Variants in NSL1 observed in about 807,000 individuals in gnomAD.
NSL1 encodes NSL1 component of MIS12 kinetochore complex.
NSL1 carries 11 observed loss-of-function variants against 25.4 expected under a neutral mutation model. That is an observed-to-expected ratio of 0.43 (90% CI 0.27 to 0.72). The LOEUF is 0.72. Ranked by LOEUF, NSL1 falls within the 30% of genes least tolerant of loss-of-function variation. The pLI is 0.19. For synonymous variants in NSL1, 118 were observed against 120.6 expected, an observed-to-expected ratio of 0.98 and a Z score of 0.14; for missense variants, 330 against 342.7, an observed-to-expected ratio of 0.96 and a Z score of 0.29.
chr1:212,776,939 A>G (rs1229647441), intron 4 of NSL1, among the ~76,000 whole-genome samples: 2 of 152,012 alleles, frequency 1.3e-5, no homozygotes, highest in African/African-American at 2.4e-5. Context: ...AGCTAAAAAT[A>G]ACGGGAACCT....
chr1:212,766,238 T>C (rs765543196), intron 4 of NSL1: 1 of 656,226 alleles, frequency 1.5e-6, no homozygotes, highest in South Asian at 1.7e-5. Context: ...AACATCATGT[T>C]GAATGGGGAA....
chr1:212,749,720 A>C (rs1185333502), intron 4 of NSL1, among the ~76,000 whole-genome samples: 1 of 152,038 alleles, frequency 6.6e-6, no homozygotes, highest in East Asian at 1.9e-4. Flanking sequence ...ATGCTACCTT[A>C]AAAAGAAATT....
rs41275386 is a variant in NSL1 at position 212,737,235 on chromosome 1, C to T, written c.*1173G>A. 31,645 of 985,228 alleles carry T rather than the reference C, an allele frequency of 0.032. 552 individuals are homozygous for T. The highest frequency in any genetic ancestry group is 0.044 in the South Asian group (930 of 21,280). The allele number at this position is 985,228 out of a possible 1,614,324, so 61.0% of individuals were successfully genotyped here. A position where few individuals can be genotyped will look rare whatever the true frequency, so the allele number is the denominator to read the frequency against. On this transcript the variant is annotated 3_prime_UTR_variant, in exon 6 of 6. Coordinates refer to ENST00000366977, the MANE Select transcript of NSL1 (RefSeq NM_015471.4). Reference sequence around the variant, plus strand: ...AATATACAGATCTCAAACTGTAACACTGAAACACAAAATGCAACAAAGTGG... The same window carrying T: ...AATATACAGATCTCAAACTGTAACATTGAAACACAAAATGCAACAAAGTGG...
chr1:212,763,277 AAAG>A (rs1659656146), intron 4 of NSL1, among the ~76,000 whole-genome samples: 1 of 152,194 alleles, frequency 6.6e-6, no homozygotes. Flanking sequence ...AGAAGTTCTG[AAAG>A]AAGTTCTGAA....
intron 4 of NSL1, among the ~76,000 whole-genome samples, chr1:212,765,317 A>T (rs1659754209): frequency 6.6e-6 from 1 of 152,224 alleles, no homozygotes; most frequent in Non-Finnish European, 1.5e-5. Flanking sequence ...CCTGATGAAC[A>T]TAGATGCAAA....
At chr1:212,789,045 A>G (rs536653047) in intron 1 of NSL1, among the ~76,000 whole-genome samples, 1 of 152,154 alleles carries the variant, frequency 6.6e-6, no homozygotes, top group Non-Finnish European at 1.5e-5. Flanking sequence ...AACTCAAAGA[A>G]TTTTGCTTTA....
At position 212,729,298 on chromosome 1, in the gene NSL1, G is replaced by A; in HGVS notation, c.*9110C>T. On this transcript the variant is annotated 3_prime_UTR_variant, in exon 6 of 6. Transcript: ENST00000366977. ...CTCTTTTCCCTCTAATGGATCCCTAGATGCTACTGATGGCTCCCCTAACTG... is the reference window on the plus strand; with the variant it reads ...CTCTTTTCCCTCTAATGGATCCCTAAATGCTACTGATGGCTCCCCTAACTG... 1 of 985,250 alleles carries A rather than the reference G, an allele frequency of 1.0e-6. No homozygotes were observed. The highest frequency in any genetic ancestry group is 1.2e-6 in the Non-Finnish European group (1 of 829,770). 61.0% of individuals were successfully genotyped at this position (985,250 alleles called of 1,614,324 possible).
intron 4 of NSL1, among the ~76,000 whole-genome samples, chr1:212,768,686 A>C (rs370828787): frequency 6.6e-6 from 1 of 152,224 alleles, no homozygotes; most frequent in African/African-American, 2.4e-5. Context: ...ATGCAAAGGC[A>C]TAAGAATGAT....
intron 3 of NSL1, among the ~76,000 whole-genome samples, chr1:212,783,593 A>G (rs374687091): frequency 5.9e-5 from 9 of 152,330 alleles, no homozygotes; most frequent in African/African-American, 1.7e-4. Context: ...ACTAAAGGCA[A>G]TAGTATAGCA....
intron 4 of NSL1, among the ~76,000 whole-genome samples, chr1:212,778,022 A>G (rs1007036): frequency 0.078 from 11,886 of 152,280 alleles, 510 homozygotes; most frequent in African/African-American, 0.12. Flanking sequence ...GATGACAATA[A>G]CAAAATGAAG....
chr1:212,740,003 A>G (rs1195405478), intron 4 of NSL1, among the ~76,000 whole-genome samples: 1 of 152,204 alleles, frequency 6.6e-6, no homozygotes, highest in East Asian at 1.9e-4. Flanking sequence ...CTGCACTGAG[A>G]TCATGCCTAG....
chr1:212,790,922 C>CAA (rs775071416), intron 1 of NSL1, among the ~76,000 whole-genome samples: 2 of 125,088 alleles, frequency 1.6e-5, no homozygotes, highest in Admixed American at 8.2e-5. Flanking sequence ...GACTCTGTCT[C>CAA]AAAAAAAAAA....
chr1:212,759,182 A>G (rs1377245791), intron 4 of NSL1, among the ~76,000 whole-genome samples: 1 of 152,064 alleles, frequency 6.6e-6, no homozygotes, highest in Non-Finnish European at 1.5e-5. Flanking sequence ...AACCAAAGGA[A>G]AAAAAAATAG....
intron 4 of NSL1, among the ~76,000 whole-genome samples, chr1:212,741,791 G>C (rs566044537): frequency 5.9e-5 from 9 of 152,258 alleles, no homozygotes; most frequent in Non-Finnish European, 1.3e-4. Context: ...AGTAAAAATG[G>C]TCCCTGCCCA....
intron 4 of NSL1, among the ~76,000 whole-genome samples, chr1:212,747,756 T>C (rs1658870623): frequency 6.6e-6 from 1 of 152,126 alleles, no homozygotes; most frequent in African/African-American, 2.4e-5. Context: ...AAATTCCTAG[T>C]GAGATTTATT....
chr1:212,783,787 T>C (rs1331693948), intron 3 of NSL1, among the ~76,000 whole-genome samples: 1 of 152,140 alleles, frequency 6.6e-6, no homozygotes, highest in Non-Finnish European at 1.5e-5. Context: ...TCTATAGTAA[T>C]TATAAGAAGG....
Position 212,740,930 on chromosome 1 carries a change from C to T in NSL1, c.500-1329G>A, listed in dbSNP as rs1034906652. Among the ~76,000 whole-genome samples the T allele has an allele frequency of 2.6e-5, 4 of 152,110 alleles. No homozygotes were observed. In the South Asian group the frequency reaches 6.2e-4, roughly 24 times the overall value. On this transcript the variant is annotated intron_variant, in intron 4 of 5. Coordinates refer to ENST00000366977, the MANE Select transcript of NSL1 (RefSeq NM_015471.4). Reference sequence around the variant, plus strand: ...CAACAGTGTGAGGTATCTACAACAACAGAAAATGAAAATATCTGTAGCTTT... The same window carrying T: ...CAACAGTGTGAGGTATCTACAACAATAGAAAATGAAAATATCTGTAGCTTT...
Position 212,730,890 on chromosome 1 carries a change from T to C in NSL1, c.*7518A>G, listed in dbSNP as rs970238627. The stretch of plus-strand genomic sequence containing the variant: ...GAATATAAATGCCACAAGCCATTAA[T>C]GTGTGAGATTGTGATCCAGGGAAAC... On this transcript the variant is annotated 3_prime_UTR_variant, in exon 6 of 6. Transcript: ENST00000366977. 2.9e-5 allele frequency: 29 copies of C among 985,284 alleles called. No individual in the cohort carries two copies. Among genetic ancestry groups the C allele is most frequent in the Non-Finnish European group, 3.4e-5 (28 of 829,930 alleles). The allele number at this position is 985,284 out of a possible 1,614,324, so 61.0% of individuals were successfully genotyped here. A position where few individuals can be genotyped will look rare whatever the true frequency, so the allele number is the denominator to read the frequency against.
intron 4 of NSL1, among the ~76,000 whole-genome samples, chr1:212,778,833 G>C (rs1435918288): frequency 6.6e-6 from 1 of 152,152 alleles, no homozygotes; most frequent in African/African-American, 2.4e-5. Context: ...CGTCTGGGAA[G>C]TGAGGAGCGT....
Sources: gnomAD v4.1 joint callset for allele counts (sites outside exome capture counted in the v4.1 genomes callset) on GRCh38, gnomAD v4.1.1 for gene constraint, MANE v1.5 for transcripts, NCBI Gene and HGNC (gene_info 2026-07-23, HGNC 2026-07-21) for gene names.